The following TMEM163 variants were observed in gnomAD, a reference collection of about 807,000 sequenced individuals.
TMEM163 encodes transmembrane protein 163.
Under a neutral mutation model 29.3 loss-of-function variants are expected in TMEM163, and 17 were observed. The observed-to-expected ratio is 0.58, with a 90% CI of 0.40 to 0.87. The LOEUF (loss-of-function observed/expected upper bound fraction) is 0.87. Ranked by LOEUF, TMEM163 falls within the 40% of genes least tolerant of loss-of-function variation. The pLI, the probability that TMEM163 is intolerant of heterozygous loss-of-function variation, is 0.00. For synonymous variants in TMEM163, 157 were observed against 160.6 expected, an observed-to-expected ratio of 0.98 and a Z score of 0.17; for missense variants, 303 against 381.5, an observed-to-expected ratio of 0.79 and a Z score of 1.71.
chr2:134,678,691 G>A (rs1305651098), intron 2 of TMEM163, among the ~76,000 whole-genome samples: 2 of 152,166 alleles, frequency 1.3e-5, no homozygotes, highest in Non-Finnish European at 2.9e-5. Context: ...TCCCCAGGTC[G>A]ACTGGGCTGC....
In TMEM163 at chr2:134,456,610, GAA is replaced by G; in HGVS notation, c.*104_*105del. ...CTTGTCTTGTAATGACAAACCATGT[GAA>G]AGAAAACTTCCAAAAAGAAACCAGA... is the stretch of plus-strand genomic sequence containing the variant. On this transcript the variant is annotated 3_prime_UTR_variant, in exon 8 of 8. Coordinates refer to ENST00000281924, the MANE Select transcript of TMEM163 (RefSeq NM_030923.5). The G allele has an allele frequency of 7.3e-7, 1 of 1,365,122 alleles. No individual in the cohort carries two copies. The highest frequency in any genetic ancestry group is 1.0e-6 in the Non-Finnish European group (1 of 978,094). The allele number at this position is 1,365,122 out of a possible 1,614,324, so 84.6% of individuals were successfully genotyped here.
At chr2:134,600,832 A>G (rs77729300) in intron 2 of TMEM163, among the ~76,000 whole-genome samples, 2,374 of 152,248 alleles carry the variant, frequency 0.016, 53 homozygotes, top group African/African-American at 0.054. Flanking sequence ...TGCGGTTTTC[A>G]GCCAAGTACA....
At chr2:134,514,765 T>C (rs1185955571) in intron 4 of TMEM163, among the ~76,000 whole-genome samples, 2 of 152,174 alleles carry the variant, frequency 1.3e-5, no homozygotes, top group Non-Finnish European at 2.9e-5. Context: ...CTGCCCACTA[T>C]GGGACTTGGC....
intron 2 of TMEM163, among the ~76,000 whole-genome samples, chr2:134,638,194 CA>C (rs1434670564): frequency 2.0e-5 from 3 of 152,158 alleles, no homozygotes; most frequent in Non-Finnish European, 4.4e-5. Flanking sequence ...TTAATAGCCG[CA>C]GGATATTCTA....
chr2:134,677,312 AC>A (rs1348846392), intron 2 of TMEM163, among the ~76,000 whole-genome samples: 1 of 152,086 alleles, frequency 6.6e-6, no homozygotes, highest in African/African-American at 2.4e-5. Flanking sequence ...ATCTTGCCAG[AC>A]CCCCTCCCTC....
rs1286292004 is a variant in TMEM163 at position 134,460,247 on chromosome 2, C to T, written c.668-2074G>A. ...GGCTCAAATCCCACCAGACCCCTCA[C>T]ATCCAGCCACACAACCCTGCAACAG... On this transcript the variant is annotated intron_variant, in intron 6 of 7. Transcript: ENST00000281924. The surrounding 1 kb of genome is among the most constrained non-coding windows in gnomAD (Gnocchi z 4.3). Among the ~76,000 whole-genome samples, 2 of 152,052 alleles carry T rather than the reference C, an allele frequency of 1.3e-5. No homozygotes were observed. Among genetic ancestry groups the T allele is most frequent in the African/African-American group, 4.8e-5 (2 of 41,398 alleles).
intron 2 of TMEM163, among the ~76,000 whole-genome samples, chr2:134,603,274 G>T (rs968289738): frequency 1.3e-5 from 2 of 152,084 alleles, no homozygotes; most frequent in African/African-American, 2.4e-5. Flanking sequence ...CTCTAAATTA[G>T]TTCAAGTTCA....
intron 4 of TMEM163, among the ~76,000 whole-genome samples, chr2:134,514,716 T>C (rs1680020489): frequency 6.6e-6 from 1 of 152,190 alleles, no homozygotes; most frequent in Non-Finnish European, 1.5e-5. Context: ...ACCTTTGCTG[T>C]GTGATTCACA....
At position 134,639,264 on chromosome 2, in the gene TMEM163, G is replaced by A. The variant is rs143480769; in HGVS notation, c.322+73936C>T. Among the ~76,000 whole-genome samples the A allele has an allele frequency of 1.1e-3, 175 of 152,318 alleles. 1 individual carries two copies. The highest frequency in any genetic ancestry group is 3.9e-3 in the African/African-American group (161 of 41,578). ...AGGACAGGAAGACTGTTTGGCATTC[G>A]TAAGCTGAAGAGAAGGTTTAAGTGA... On this transcript the variant is annotated intron_variant, in intron 2 of 7. Transcript: ENST00000281924.
At chr2:134,599,380 C>T (rs1311310464) in intron 2 of TMEM163, among the ~76,000 whole-genome samples, 1 of 152,078 alleles carries the variant, frequency 6.6e-6, no homozygotes, top group African/African-American at 2.4e-5. Flanking sequence ...AAGGTGAGGA[C>T]TTTGGTAGGT....
chr2:134,462,740 G>C (rs916999393), intron 6 of TMEM163, among the ~76,000 whole-genome samples: 3 of 152,246 alleles, frequency 2.0e-5, no homozygotes, highest in African/African-American at 7.2e-5. Context: ...AGCCAGAACA[G>C]TGAAGCCTAG....
chr2:134,456,320 A>G lies in TMEM163; in HGVS notation c.*396T>C, dbSNP rs1245561757. On this transcript the variant is annotated 3_prime_UTR_variant, in exon 8 of 8. Coordinates refer to ENST00000281924, the MANE Select transcript of TMEM163 (RefSeq NM_030923.5). ...CTTAAGACCTGCCAGGAAAGGAGAGACTTGGAACCAGGAGTGGCAGGGCCA... is the reference window on the plus strand; with the variant it reads ...CTTAAGACCTGCCAGGAAAGGAGAGGCTTGGAACCAGGAGTGGCAGGGCCA... 5.6e-6 allele frequency: 1 copy of G among 180,112 alleles called. No homozygotes were observed. Among genetic ancestry groups the G allele is most frequent in the African/African-American group, 2.4e-5 (1 of 42,350 alleles). The allele number at this position is 180,112 out of a possible 1,614,324, so 11.2% of individuals were successfully genotyped here.
intron 2 of TMEM163, among the ~76,000 whole-genome samples, chr2:134,694,896 A>G (rs1684544482): frequency 6.6e-6 from 1 of 152,234 alleles, no homozygotes; most frequent in South Asian, 2.1e-4. Context: ...AAATAAAAGC[A>G]TAATGTAAAA....
intron 2 of TMEM163, among the ~76,000 whole-genome samples, chr2:134,615,624 C>A (rs1229160554): frequency 6.7e-6 from 1 of 150,150 alleles, no homozygotes; most frequent in Non-Finnish European, 1.5e-5. Context: ...TTGATCTGTG[C>A]CAGATCAGCT....
intron 2 of TMEM163, among the ~76,000 whole-genome samples, chr2:134,591,860 A>G (rs1304563172): frequency 6.6e-6 from 1 of 151,136 alleles, no homozygotes; most frequent in African/African-American, 2.4e-5. Context: ...ATCACAGCCT[A>G]TGAATGTGCA....
intron 2 of TMEM163, among the ~76,000 whole-genome samples, chr2:134,566,463 T>C (rs1681302998): frequency 6.6e-6 from 1 of 152,112 alleles, no homozygotes; most frequent in Non-Finnish European, 1.5e-5. Context: ...CTTGGGAGGC[T>C]GAGGCAGGAG....
chr2:134,700,157 TTTGTA>T, intron 2 of TMEM163, among the ~76,000 whole-genome samples: 1 of 152,360 alleles, frequency 6.6e-6, no homozygotes, highest in East Asian at 1.9e-4. Flanking sequence ...TTCTATGCTA[TTTGTA>T]TTATGTATTT....
At chr2:134,635,994 C>T (rs1683094363) in intron 2 of TMEM163, among the ~76,000 whole-genome samples, 1 of 152,204 alleles carries the variant, frequency 6.6e-6, no homozygotes, top group Admixed American at 6.5e-5. Context: ...TATATGGCTG[C>T]TAGCTGGCCC....
intron 2 of TMEM163, among the ~76,000 whole-genome samples, chr2:134,624,729 C>T (rs1008403268): frequency 5.9e-5 from 9 of 151,926 alleles, no homozygotes; most frequent in Non-Finnish European, 1.0e-4. Context: ...GGGAACATGG[C>T]GAAACCCCGT....
Sources: gnomAD v4.1 joint callset for allele counts (sites outside exome capture counted in the v4.1 genomes callset) on GRCh38, gnomAD v4.1.1 for gene constraint, Gnocchi (gnomAD v3.1) non-coding constraint, MANE v1.5 for transcripts, NCBI Gene and HGNC (gene_info 2026-07-23, HGNC 2026-07-21) for gene names.